Variants in DYNC1I1 observed in about 807,000 individuals in gnomAD.
The protein encoded by DYNC1I1 is cytoplasmic dynein 1 intermediate chain 1.
Under a neutral mutation model 86.6 loss-of-function variants are expected in DYNC1I1, and 43 were observed. The observed-to-expected ratio is 0.50, with a 90% CI of 0.39 to 0.64. The LOEUF (loss-of-function observed/expected upper bound fraction) is 0.64, where lower values mean the gene tolerates loss of function less well. DYNC1I1 is among the 30% of genes least tolerant of loss of function. The probability of loss-of-function intolerance (pLI) is 0.00; values close to 1 mark genes in which losing one functional copy is unlikely to be tolerated. For missense variants in DYNC1I1, 604 were observed against 788.8 expected, an observed-to-expected ratio of 0.77 and a Z score of 2.81; for synonymous variants, 262 against 283.7, an observed-to-expected ratio of 0.92 and a Z score of 0.77.
At chr7:96,082,183 T>G (rs1271424374) in intron 16 of DYNC1I1, among the ~76,000 whole-genome samples, 2 of 152,104 alleles carry the variant, frequency 1.3e-5, no homozygotes, top group Non-Finnish European at 2.9e-5. Context: ...TGTATCTTTC[T>G]CATGGCCCTC....
At chr7:96,087,375 G>A (rs1036136142) in intron 16 of DYNC1I1, among the ~76,000 whole-genome samples, 11 of 152,180 alleles carry the variant, frequency 7.2e-5, no homozygotes. Flanking sequence ...AGGCAAACCT[G>A]ATTGCATGGC....
intron 5 of DYNC1I1, among the ~76,000 whole-genome samples, chr7:95,841,699 C>T (rs1431339708): frequency 6.6e-6 from 1 of 152,126 alleles, no homozygotes; most frequent in Non-Finnish European, 1.5e-5. Context: ...GAAGTGCCTA[C>T]ATACCCATTT....
intron 1 of DYNC1I1, among the ~76,000 whole-genome samples, chr7:95,776,506 G>A (rs1019211396): frequency 3.3e-5 from 5 of 152,168 alleles, no homozygotes; most frequent in African/African-American, 7.2e-5. Flanking sequence ...GTGCATAAAT[G>A]TAGTTTTCTA....
intron 7 of DYNC1I1, among the ~76,000 whole-genome samples, chr7:95,984,166 G>A (rs62467722): frequency 0.077 from 11,763 of 152,108 alleles, 563 homozygotes; most frequent in Non-Finnish European, 0.1. Context: ...AGAAAAGTAA[G>A]GCAGAAAAAC....
chr7:96,009,066 CA>C (rs1237621018), intron 10 of DYNC1I1, among the ~76,000 whole-genome samples: 1 of 152,154 alleles, frequency 6.6e-6, no homozygotes, highest in East Asian at 1.9e-4. Flanking sequence ...ATCTAGCAAT[CA>C]ATCAAATACA....
intron 14 of DYNC1I1, among the ~76,000 whole-genome samples, chr7:96,057,665 G>C (rs927897887): frequency 1.3e-5 from 2 of 152,074 alleles, no homozygotes; most frequent in African/African-American, 4.8e-5. Context: ...TTATGTGTTA[G>C]TTGCTTCCCT....
At chr7:96,101,936 AT>A (rs1791143062), downstream of DYNC1I1, among the ~76,000 whole-genome samples, 2 of 148,254 alleles carry the variant, frequency 1.3e-5, no homozygotes, top group Admixed American at 1.3e-4. Context: ...GGTGTTCCCT[AT>A]AATATATCTA....
intron 4 of DYNC1I1, among the ~76,000 whole-genome samples, chr7:95,824,462 C>T (rs1335209441): frequency 6.6e-6 from 1 of 151,902 alleles, no homozygotes; most frequent in Non-Finnish European, 1.5e-5. Flanking sequence ...TTGAGCCATG[C>T]CAGAAATGAC....
chr7:95,889,572 CA>C (rs1485123413), intron 6 of DYNC1I1, among the ~76,000 whole-genome samples: 1 of 151,850 alleles, frequency 6.6e-6, no homozygotes, highest in Non-Finnish European at 1.5e-5. Context: ...AAAACAATTG[CA>C]AAAAAGCAAA....
intron 4 of DYNC1I1, among the ~76,000 whole-genome samples, chr7:95,827,098 C>T (rs1044527046): frequency 1.3e-5 from 2 of 152,144 alleles, no homozygotes; most frequent in Non-Finnish European, 2.9e-5. Context: ...GATGCTACTG[C>T]TCTGTAGGCC....
chr7:95,951,258 C>T (rs987239680), intron 6 of DYNC1I1, among the ~76,000 whole-genome samples: 4 of 152,108 alleles, frequency 2.6e-5, no homozygotes, highest in African/African-American at 4.8e-5. Flanking sequence ...TGACTTCAGT[C>T]CATCTCATCC....
intron 6 of DYNC1I1, among the ~76,000 whole-genome samples, chr7:95,931,414 G>A (rs554323227): frequency 6.6e-6 from 1 of 152,122 alleles, no homozygotes; most frequent in Non-Finnish European, 1.5e-5. Context: ...CTCTCAAAGT[G>A]CTGGGATTAC....
chr7:96,043,591 A>C (rs1789122327), intron 14 of DYNC1I1, among the ~76,000 whole-genome samples: 1 of 152,152 alleles, frequency 6.6e-6, no homozygotes, highest in Admixed American at 6.5e-5. Context: ...GTGGATCTTA[A>C]AATATGGATC....
intron 14 of DYNC1I1, among the ~76,000 whole-genome samples, chr7:96,073,764 A>G (rs1030214463): frequency 2.6e-5 from 4 of 152,246 alleles, no homozygotes; most frequent in Non-Finnish European, 4.4e-5. Context: ...CTAGCTATAA[A>G]ATCAAGAATT....
chr7:95,864,592 C>T (rs1367706101), intron 5 of DYNC1I1, among the ~76,000 whole-genome samples: 1 of 152,162 alleles, frequency 6.6e-6, no homozygotes, highest in Admixed American at 6.5e-5. Flanking sequence ...AAGACCAAGT[C>T]AGCTTGTCAA....
intron 1 of DYNC1I1, among the ~76,000 whole-genome samples, chr7:95,783,821 T>A (rs968302029): frequency 6.6e-6 from 1 of 152,220 alleles, no homozygotes; most frequent in Non-Finnish European, 1.5e-5. Context: ...TTACTAGCTA[T>A]GCAATCTTGA....
At chr7:95,779,147 A>T (rs1339953609) in intron 1 of DYNC1I1, among the ~76,000 whole-genome samples, 1 of 152,210 alleles carries the variant, frequency 6.6e-6, no homozygotes, top group Non-Finnish European at 1.5e-5. Flanking sequence ...ACAACAAAGA[A>T]TTATCTGACC....
chr7:96,006,885 G>C (rs1003345), intron 10 of DYNC1I1, among the ~76,000 whole-genome samples: 1 of 152,144 alleles, frequency 6.6e-6, no homozygotes, highest in Non-Finnish European at 1.5e-5. Context: ...CTTTAATGAA[G>C]AGATAAGAAT....
chr7:95,913,351 A>G (rs1791387505), intron 6 of DYNC1I1, among the ~76,000 whole-genome samples: 1 of 152,214 alleles, frequency 6.6e-6, no homozygotes, highest in South Asian at 2.1e-4. Flanking sequence ...AGAGCTGGAC[A>G]TGGTAATATG....
Sources: gnomAD v4.1 joint callset for allele counts (sites outside exome capture counted in the v4.1 genomes callset) on GRCh38, gnomAD v4.1.1 for gene constraint, MANE v1.5 for transcripts, NCBI Gene and HGNC (gene_info 2026-07-23, HGNC 2026-07-21) for gene names.